NUP85: variants seen among roughly 807,000 people sequenced by gnomAD.
NUP85 encodes nuclear pore complex protein Nup85.
NUP85 carries 23 observed loss-of-function variants against 92.8 expected under a neutral mutation model. The ratio of observed to expected loss-of-function variants is 0.25; its 90% CI spans 0.18 to 0.35. The LOEUF (loss-of-function observed/expected upper bound fraction) is 0.35. Ranked by LOEUF, NUP85 falls within the 10% of genes least tolerant of loss-of-function variation. The pLI is 1.00. For synonymous variants in NUP85, 314 were observed against 306.9 expected, an observed-to-expected ratio of 1.02 and a Z score of -0.24; for missense variants, 759 against 822.8, an observed-to-expected ratio of 0.92 and a Z score of 0.95.
intron 11 of NUP85, chr17:75,228,614 T>C (rs1197598251): frequency 4.1e-6 from 4 of 985,360 alleles, no homozygotes; most frequent in African/African-American, 1.7e-5. Context: ...GTCAGACCCA[T>C]GCACAGTTCT....
At position 75,208,676 on chromosome 17, in the gene NUP85, T is replaced by C. The variant is rs532750047; in HGVS notation, c.127+56T>C. Reference sequence around the variant, plus strand: ...CTTGGCACATTTGGTTGTTTTTCTGTTTATTACCTCAGATTTTACTAGTTG... The same window carrying C: ...CTTGGCACATTTGGTTGTTTTTCTGCTTATTACCTCAGATTTTACTAGTTG... On this transcript the variant is annotated intron_variant, in intron 2 of 18. Coordinates refer to ENST00000245544, the MANE Select transcript of NUP85 (RefSeq NM_024844.5). 1.7e-5 allele frequency: 16 copies of C among 934,156 alleles called. No homozygotes were observed. In the African/African-American group the frequency reaches 2.6e-4, roughly 15 times the overall value. 57.9% of individuals were successfully genotyped at this position (934,156 alleles called of 1,614,324 possible).
chr17:75,231,975 A>G lies in NUP85; in HGVS notation c.1392A>G (p.Glu464=), dbSNP rs773719709. 1 of 1,614,122 alleles carries G rather than the reference A, an allele frequency of 6.2e-7. No homozygotes were observed. Among genetic ancestry groups the G allele is most frequent in the Non-Finnish European group, 8.5e-7 (1 of 1,180,022 alleles). ...TCTGTGAGCAGCGGCAGATGACTGA[A>G]CAAGGTGAGCTGGCCCTGCTCCCAG... ...LRICEQRQMT[E]QVRSICKILA... Residue 464 remains glutamate, a synonymous_variant, in exon 14 of 19, where the codon GAA becomes GAG. Coordinates refer to ENST00000245544, the MANE Select transcript of NUP85 (RefSeq NM_024844.5). This position sits in a 1 kb window ranked among gnomAD's most constrained non-coding sequence, Gnocchi z 4.6.
In NUP85 at chr17:75,208,547, C is replaced by T. The variant is rs754429524; in HGVS notation, c.54C>T (p.Ser18=). 6.2e-7 allele frequency: 1 copy of T among 1,601,672 alleles called. No homozygotes were observed. Among genetic ancestry groups the T allele is most frequent in the South Asian group, 1.1e-5 (1 of 90,490 alleles). The change falls in exon 2 of 19, where the codon TCC becomes TCT. Residue 18 remains serine, a synonymous_variant. Coordinates refer to ENST00000245544, the MANE Select transcript of NUP85 (RefSeq NM_024844.5). ...PTVTLIPGVN[S]KKNQMYFDWG... is the part of the protein sequence containing the mutation. Reference sequence around the variant, plus strand: ...ACTAGTTGATTCCAGGCGTGAATTCCAAGAAGAACCAAATGTATTTTGACT... The same window carrying T: ...ACTAGTTGATTCCAGGCGTGAATTCTAAGAAGAACCAAATGTATTTTGACT...
At chr17:75,219,969 C>A (rs957156001) in intron 7 of NUP85, among the ~76,000 whole-genome samples, 3 of 152,034 alleles carry the variant, frequency 2.0e-5, no homozygotes, top group African/African-American at 4.8e-5. Flanking sequence ...GAGATAAAGA[C>A]AGAGCGATAC....
rs769591238 is a variant in NUP85, at chr17:75,209,828, T to C, written c.133T>C (p.Ser45Pro). The C allele has an allele frequency of 6.3e-7, 1 of 1,576,530 alleles. No homozygotes were observed. Among genetic ancestry groups the C allele is most frequent in the South Asian group, 1.2e-5 (1 of 84,382 alleles). ...CETSFNKKEK[S>P]EMVPSCPFIY... ...TTTTTTCTGTTTGGTTTCAGAAAAATCAGAGATGGTGCCAAGTTGCCCCTT... is the reference window on the plus strand; with the variant it reads ...TTTTTTCTGTTTGGTTTCAGAAAAACCAGAGATGGTGCCAAGTTGCCCCTT... The change falls in exon 3 of 19, where the codon TCA (serine) becomes CCA (proline). Residue 45 changes from serine to proline, a missense_variant. By Grantham distance (74) the Ser-to-Pro change is moderately conservative. Transcript: ENST00000245544.
At chr17:75,205,870 T>C in intron 1 of NUP85, 76 bp downstream of exon 1, 1 of 1,543,342 alleles carries the variant, frequency 6.5e-7, no homozygotes, top group Non-Finnish European at 8.9e-7. Flanking sequence ...CAGGCTTGTC[T>C]GCTTCCCTAG....
chr17:75,215,749 CTTAGGTCTCCATT>C lies in NUP85; in HGVS notation c.406-2_416del. 6.2e-7 allele frequency: 1 copy of C among 1,613,732 alleles called. No individual in the cohort carries two copies. Among genetic ancestry groups the C allele is most frequent in the Non-Finnish European group, 8.5e-7 (1 of 1,179,662 alleles). ...AGGTGAAACCTGTCCCCATTTCTTC[CTTAGGTCTCCATT>C]TTGTCAGCAATGGAGCTCATCTGGA... On this transcript the variant is annotated splice_acceptor_variant and splice_polypyrimidine_tract_variant and coding_sequence_variant and intron_variant, in exon 6 of 19. Transcript: ENST00000245544. LOFTEE classifies it high-confidence loss of function.
intron 4 of NUP85, among the ~76,000 whole-genome samples, chr17:75,212,369 A>G (rs1187460452): frequency 1.3e-5 from 2 of 149,014 alleles, no homozygotes; most frequent in South Asian, 2.1e-4. Context: ...CCCAGGTTCA[A>G]ACGATTCTCT....
At chr17:75,208,211 G>T in intron 1 of NUP85, 1 of 261,564 alleles carries the variant, frequency 3.8e-6, no homozygotes, top group Non-Finnish European at 7.2e-6. Flanking sequence ...TGAGGCGGAC[G>T]GATCACCTGA....
intron 2 of NUP85, 46 bp from the exon 3 acceptor site, chr17:75,209,777 G>A (rs1022692516): frequency 8.7e-6 from 13 of 1,500,766 alleles, no homozygotes; most frequent in Non-Finnish European, 9.8e-6. Flanking sequence ...CACTTTTGGA[G>A]ATGATCATAA....
In NUP85 at chr17:75,233,093, C is replaced by G; in HGVS notation, c.1550C>G (p.Ser517Cys). 1 of 1,614,182 alleles carries G rather than the reference C, an allele frequency of 6.2e-7. No homozygotes were observed. The highest frequency in any genetic ancestry group is 8.5e-7 in the Non-Finnish European group (1 of 1,180,034). The change falls in exon 16 of 19, where the codon TCT becomes TGT. Residue 517 changes from serine to cysteine, a missense_variant. By Grantham distance (112) the Ser-to-Cys change is moderately radical (BLOSUM62 -1). Coordinates refer to ENST00000245544, the MANE Select transcript of NUP85 (RefSeq NM_024844.5). ...GATTACTGTGAGCGAGGCTGCTTTT[C>G]TGATTTGGATCTCATTGACAACCTG... ...LRDYCERGCF[S>C]DLDLIDNLGP... is the part of the protein sequence containing the mutation.
rs2076056586 is a variant in NUP85, at chr17:75,231,507, T to C, written c.1179-66T>C. 2.5e-6 allele frequency: 4 copies of C among 1,610,112 alleles called. No individual in the cohort carries two copies. The highest frequency in any genetic ancestry group is 3.3e-5 in the Admixed American group (2 of 59,998). On this transcript the variant is annotated intron_variant, in intron 12 of 18. Coordinates refer to ENST00000245544, the MANE Select transcript of NUP85 (RefSeq NM_024844.5). The surrounding 1 kb of genome is among the most constrained non-coding windows in gnomAD (Gnocchi z 4.6). ...GTGAACTGAATGCCTGAAAGGGAGG[T>C]TGGGCTAAGGGGGCCCTGAACAGGG...
chr17:75,219,183 A>G (rs1198659366), intron 7 of NUP85, among the ~76,000 whole-genome samples: 1 of 152,154 alleles, frequency 6.6e-6, no homozygotes, highest in Admixed American at 6.5e-5. Context: ...GGACAAAAAA[A>G]AAGAAAAGAA....
At position 75,232,984 on chromosome 17, in the gene NUP85, G is replaced by C; in HGVS notation, c.1514+16G>C. 4 of 1,613,670 alleles carry C rather than the reference G, an allele frequency of 2.5e-6. No individual in the cohort carries two copies. The highest frequency in any genetic ancestry group is 1.7e-6 in the Non-Finnish European group (2 of 1,179,538). ...TGTCAGACAGGTGGGTGCCGCTAGT[G>C]TTGGCTTCCCAGGGACTGGGTGGTT... On this transcript the variant is annotated intron_variant, in intron 15 of 18. Coordinates refer to ENST00000245544, the MANE Select transcript of NUP85 (RefSeq NM_024844.5).
rs1468685329 is a variant in NUP85, at chr17:75,232,832, T to C, written c.1397-19T>C. ...TTTGTGGAGTGAAAGCCGTTTACCT[T>C]TTCTTTTCCCCTGCAAAGTTCGCAG... On this transcript the variant is annotated intron_variant, in intron 14 of 18. Coordinates refer to ENST00000245544, the MANE Select transcript of NUP85 (RefSeq NM_024844.5). 1 of 1,610,188 alleles carries C rather than the reference T, an allele frequency of 6.2e-7. No homozygotes were observed. The highest frequency in any genetic ancestry group is 1.3e-5 in the African/African-American group (1 of 74,850).
Position 75,231,665 on chromosome 17 carries a change from T to TATGCGGGTGCTCTTCAGC in NUP85, c.1244+38_1244+55dup, listed in dbSNP as rs146201831. ...TAGGAAGGACCCCATGGGTGTGGGC[T>TATGCGGGTGCTCTTCAGC]ATGCGGGTGCTCTTCAGCATGCGGG... On this transcript the variant is annotated intron_variant, in intron 13 of 18. Coordinates refer to ENST00000245544, the MANE Select transcript of NUP85 (RefSeq NM_024844.5). This position sits in a 1 kb window ranked among gnomAD's most constrained non-coding sequence, Gnocchi z 4.6. The TATGCGGGTGCTCTTCAGC allele has an allele frequency of 1.9e-6, 3 of 1,612,860 alleles. No individual in the cohort carries two copies. Among genetic ancestry groups the TATGCGGGTGCTCTTCAGC allele is most frequent in the South Asian group, 1.1e-5 (1 of 91,056 alleles).
intron 1 of NUP85, 154 bp from the exon 2 acceptor site, chr17:75,208,373 A>T: frequency 1.6e-6 from 1 of 623,774 alleles, no homozygotes; most frequent in Non-Finnish European, 2.8e-6. Flanking sequence ...TGAACCCAGG[A>T]GGCGGCGATT....
Position 75,225,778 on chromosome 17 carries a change from CT to C in NUP85, c.938del (p.Leu313CysfsTer7). 1 of 1,612,998 alleles carries C rather than the reference CT, an allele frequency of 6.2e-7. No individual in the cohort carries two copies. Among genetic ancestry groups the C allele is most frequent in the Non-Finnish European group, 8.5e-7 (1 of 1,179,454 alleles). On this transcript the variant is annotated frameshift_variant, in exon 10 of 19. Coordinates refer to ENST00000245544, the MANE Select transcript of NUP85 (RefSeq NM_024844.5). LOFTEE classifies it high-confidence loss of function. ...NWYHFLVTRL[L>X]YSNPTVKPID... ...GGTATCATTTCCTAGTGACTCGGCTCTTGTACTCCAATCCCACAGTAAAACC... is the reference window on the plus strand; with the variant it reads ...GGTATCATTTCCTAGTGACTCGGCTCTGTACTCCAATCCCACAGTAAAACC...
intron 7 of NUP85, among the ~76,000 whole-genome samples, chr17:75,219,548 G>A (rs1263482188): frequency 6.6e-6 from 1 of 152,180 alleles, no homozygotes; most frequent in Non-Finnish European, 1.5e-5. Context: ...TGTTGGAACT[G>A]CAAGTGTGAG....
Sources: gnomAD v4.1 joint callset for allele counts (sites outside exome capture counted in the v4.1 genomes callset) on GRCh38, gnomAD v4.1.1 for gene constraint, Gnocchi (gnomAD v3.1) non-coding constraint, MANE v1.5 for transcripts, NCBI Gene and HGNC (gene_info 2026-07-23, HGNC 2026-07-21) for gene names.